Variants in RAB6A observed in about 807,000 individuals in gnomAD.
RAB6A encodes RAB6A, member RAS oncogene family.
Under a neutral mutation model 32.3 loss-of-function variants are expected in RAB6A, and 8 were observed. The observed-to-expected ratio is 0.25, with a 90% CI of 0.15 to 0.45. RAB6A has a LOEUF of 0.45. Among genes scored for constraint, RAB6A ranks in the 20% least tolerant of loss-of-function variants. RAB6A has a pLI of 1.00. For synonymous variants in RAB6A, 73 were observed against 82.1 expected, an observed-to-expected ratio of 0.89 and a Z score of 0.60; for missense variants, 104 against 249.4, an observed-to-expected ratio of 0.42 and a Z score of 3.93.
At chr11:73,686,183 A>C (rs1373059565) in intron 6 of RAB6A, among the ~76,000 whole-genome samples, 1 of 152,194 alleles carries the variant, frequency 6.6e-6, no homozygotes, top group East Asian at 1.9e-4. Flanking sequence ...TCCTCATAAT[A>C]TTACAACTTG....
At chr11:73,744,714 C>T (rs188180825) in intron 1 of RAB6A, among the ~76,000 whole-genome samples, 2 of 152,238 alleles carry the variant, frequency 1.3e-5, no homozygotes, top group African/African-American at 2.4e-5. Flanking sequence ...CGGTGGCTTA[C>T]GCCTGTAATC....
At chr11:73,720,794 G>T in intron 3 of RAB6A, 52 bp downstream of exon 3, 1 of 1,377,928 alleles carries the variant, frequency 7.3e-7, no homozygotes, top group Non-Finnish European at 1.0e-6. Flanking sequence ...TTTGATTGCA[G>T]TTTTCTAACC....
intron 6 of RAB6A, among the ~76,000 whole-genome samples, chr11:73,705,169 C>T (rs1945818197): frequency 6.6e-6 from 1 of 152,122 alleles, no homozygotes; most frequent in Non-Finnish European, 1.5e-5. Flanking sequence ...TACAGCAATG[C>T]CTTCTTTAGC....
chr11:73,748,798 C>T (rs1946631499), intron 1 of RAB6A, among the ~76,000 whole-genome samples: 1 of 152,026 alleles, frequency 6.6e-6, no homozygotes, highest in African/African-American at 2.4e-5. Flanking sequence ...CCTCCTTCAT[C>T]CCCCCAAAAT....
intron 1 of RAB6A, among the ~76,000 whole-genome samples, chr11:73,737,592 T>C (rs1423969725): frequency 6.6e-6 from 1 of 152,112 alleles, no homozygotes; most frequent in Non-Finnish European, 1.5e-5. Flanking sequence ...CATCAACTAA[T>C]AAACAAAACG....
intron 2 of RAB6A, among the ~76,000 whole-genome samples, chr11:73,722,884 G>A (rs929459218): frequency 1.3e-5 from 2 of 152,016 alleles, no homozygotes; most frequent in African/African-American, 2.4e-5. Context: ...TCGGCTCACC[G>A]CAATTTCTGC....
At chr11:73,757,104 T>TATATATATATATAC (rs1946763860) in intron 1 of RAB6A, among the ~76,000 whole-genome samples, 3 of 35,700 alleles carry the variant, frequency 8.4e-5, no homozygotes, top group African/African-American at 3.9e-4. Context: ...CATACATATA[T>TATATATATATATAC]ATATATATAT....
In RAB6A at chr11:73,694,303, CTTAT is replaced by C. The variant is rs1945623481; in HGVS notation, c.495+13113_495+13116del. ...TTACGTATTTTCTCATTTTAATCCTCTTATTTGTGAGGAAAATGTTAATAACCCC... is the reference window on the plus strand; with the variant it reads ...TTACGTATTTTCTCATTTTAATCCTCTTGTGAGGAAAATGTTAATAACCCC... On this transcript the variant is annotated intron_variant, in intron 6 of 7. Coordinates refer to ENST00000336083, the MANE Select transcript of RAB6A (RefSeq NM_198896.2). Among the ~76,000 whole-genome samples, 7 of 152,174 alleles carry C rather than the reference CTTAT, an allele frequency of 4.6e-5. No individual in the cohort carries two copies. The South Asian group carries it at 1.4e-3, about 31-fold the overall frequency.
At chr11:73,732,147 T>C (rs931002961) in intron 1 of RAB6A, among the ~76,000 whole-genome samples, 1 of 152,126 alleles carries the variant, frequency 6.6e-6, no homozygotes, top group Non-Finnish European at 1.5e-5. Flanking sequence ...GCAAAAACCA[T>C]ATCTGATTAT....
At chr11:73,689,895 C>CA (rs5792626) in intron 6 of RAB6A, among the ~76,000 whole-genome samples, 11,017 of 59,958 alleles carry the variant, frequency 0.18, 823 homozygotes, top group South Asian at 0.32. Context: ...GACTCCGTCT[C>CA]AAAAAAAAAA....
chr11:73,694,033 A>G (rs1339610532), intron 6 of RAB6A, among the ~76,000 whole-genome samples: 2 of 152,192 alleles, frequency 1.3e-5, no homozygotes, highest in Non-Finnish European at 2.9e-5. Flanking sequence ...CCTATGCGGT[A>G]TCAGAATTAC....
At chr11:73,741,210 C>T (rs1946491456) in intron 1 of RAB6A, among the ~76,000 whole-genome samples, 1 of 151,842 alleles carries the variant, frequency 6.6e-6, no homozygotes, top group Non-Finnish European at 1.5e-5. Context: ...AATCTCGGCT[C>T]ACTGCAAGCT....
At chr11:73,733,079 G>A (rs978382508) in intron 1 of RAB6A, among the ~76,000 whole-genome samples, 2 of 152,076 alleles carry the variant, frequency 1.3e-5, no homozygotes, top group Admixed American at 1.3e-4. Flanking sequence ...CCAAAGTGCT[G>A]GGATTACAAG....
intron 1 of RAB6A, among the ~76,000 whole-genome samples, 155 bp downstream of exon 1, chr11:73,760,411 G>C (rs922532471): frequency 1.3e-5 from 2 of 152,166 alleles, no homozygotes; most frequent in African/African-American, 4.8e-5. Context: ...CTGGCGAAGA[G>C]CCAGTGGCAC....
chr11:73,747,229 G>A (rs1332503370), intron 1 of RAB6A, among the ~76,000 whole-genome samples: 3 of 148,508 alleles, frequency 2.0e-5, no homozygotes, highest in Admixed American at 6.7e-5. Flanking sequence ...TTTCTGAGAC[G>A]GAGTCTTGCT....
chr11:73,731,799 C>T (rs567833124), intron 1 of RAB6A, among the ~76,000 whole-genome samples: 3 of 145,562 alleles, frequency 2.1e-5, no homozygotes, highest in Non-Finnish European at 4.5e-5. Flanking sequence ...TGGAGTACAG[C>T]GGGAAGATCT....
chr11:73,732,236 A>T (rs1395160286), intron 1 of RAB6A, among the ~76,000 whole-genome samples: 2 of 152,168 alleles, frequency 1.3e-5, no homozygotes, highest in African/African-American at 2.4e-5. Flanking sequence ...TTAGAAAGGA[A>T]CTGGGTAAAT....
At chr11:73,723,508 G>T (rs1005348353) in intron 2 of RAB6A, among the ~76,000 whole-genome samples, 5 of 151,902 alleles carry the variant, frequency 3.3e-5, no homozygotes, top group African/African-American at 1.2e-4. Flanking sequence ...GTATTTTTTA[G>T]TAGAGACGGG....
intron 6 of RAB6A, among the ~76,000 whole-genome samples, chr11:73,705,091 C>A (rs1365837021): frequency 6.6e-6 from 1 of 152,164 alleles, no homozygotes; most frequent in African/African-American, 2.4e-5. Flanking sequence ...GTGGTGCTTA[C>A]TGTATGCTAT....
Sources: gnomAD v4.1 joint callset for allele counts (sites outside exome capture counted in the v4.1 genomes callset) on GRCh38, gnomAD v4.1.1 for gene constraint, MANE v1.5 for transcripts, NCBI Gene and HGNC (gene_info 2026-07-23, HGNC 2026-07-21) for gene names.